The following TACC2 variants were observed in gnomAD, a reference collection of about 807,000 sequenced individuals.
TACC2 encodes the protein transforming acidic coiled-coil containing protein 2, also known as transforming acidic coiled-coil-containing protein 2.
Under a neutral mutation model 227.3 loss-of-function variants are expected in TACC2, and 137 were observed. The ratio of observed to expected loss-of-function variants is 0.60; its 90% CI spans 0.52 to 0.69. The LOEUF (loss-of-function observed/expected upper bound fraction) is 0.69, where lower values mean the gene tolerates loss of function less well. Among genes scored for constraint, TACC2 ranks in the 30% least tolerant of loss-of-function variants. The pLI is 0.00. For synonymous variants in TACC2, 1,523 were observed against 1,487.5 expected (o/e 1.02, Z -0.55); for missense variants, 3,470 against 3,694.4 (o/e 0.94, Z 1.57).
intron 3 of TACC2, among the ~76,000 whole-genome samples, chr10:122,054,687 C>G (rs79655384): frequency 1.3e-5 from 2 of 152,106 alleles, no homozygotes; most frequent in East Asian, 3.8e-4. Context: ...TCGAGATGAC[C>G]GGCTTTTCTC....
At chr10:122,193,582 T>C (rs1216870799) in intron 7 of TACC2, among the ~76,000 whole-genome samples, 1 of 152,254 alleles carries the variant, frequency 6.6e-6, no homozygotes, top group African/African-American at 2.4e-5. Flanking sequence ...CCCGATTTCA[T>C]GTCTTCACCA....
chr10:122,210,184 A>G lies in TACC2; in HGVS notation c.5972-213A>G, dbSNP rs1316808340. 4 of 608,464 alleles carry G rather than the reference A, an allele frequency of 6.6e-6. No individual in the cohort carries two copies. Among genetic ancestry groups the G allele is most frequent in the Admixed American group, 5.9e-5 (2 of 33,882 alleles). 37.7% of individuals were successfully genotyped at this position (608,464 alleles called of 1,614,324 possible). A position where few individuals can be genotyped will look rare whatever the true frequency, so the allele number is the denominator to read the frequency against. On this transcript the variant is annotated intron_variant, in intron 8 of 22. Transcript: ENST00000369005. This position sits in a 1 kb window ranked among gnomAD's most constrained non-coding sequence, Gnocchi z 4.6. ...GGTCCTCATGATCCTCATTGTACAG[A>G]TGAGGGAACTCTGGGCGAACCTGGC...
At chr10:122,009,217 T>C (rs1237710312) in intron 1 of TACC2, among the ~76,000 whole-genome samples, 3 of 152,266 alleles carry the variant, frequency 2.0e-5, no homozygotes, top group Non-Finnish European at 4.4e-5. Context: ...ATAGAAAGTC[T>C]ACCTTTTGTG....
At chr10:122,082,124 A>G (rs1242859548) in intron 3 of TACC2, among the ~76,000 whole-genome samples, 2 of 152,156 alleles carry the variant, frequency 1.3e-5, no homozygotes, top group South Asian at 2.1e-4. Flanking sequence ...CCTGAGCAAC[A>G]TGGCAAGACC....
intron 5 of TACC2, among the ~76,000 whole-genome samples, chr10:122,105,581 C>T (rs1275596721): frequency 6.6e-6 from 1 of 152,032 alleles, no homozygotes; most frequent in Non-Finnish European, 1.5e-5. Context: ...TCTTGCCTCT[C>T]CAGCATGTGC....
intron 2 of TACC2, among the ~76,000 whole-genome samples, chr10:122,033,494 C>G (rs1959195749): frequency 6.6e-6 from 1 of 152,152 alleles, no homozygotes; most frequent in Non-Finnish European, 1.5e-5. Context: ...CTTTGATTTC[C>G]TTTGTCTGCA....
Position 122,210,665 on chromosome 10 carries a change from G to A in TACC2, c.6240G>A (p.Lys2080=), listed in dbSNP as rs1191111839. 6.2e-7 allele frequency: 1 copy of A among 1,613,884 alleles called. No homozygotes were observed. The highest frequency in any genetic ancestry group is 8.5e-7 in the Non-Finnish European group (1 of 1,180,024). Residue 2080 remains lysine (K), a synonymous_variant, in exon 9 of 23, where the codon AAG becomes AAA. Transcript: ENST00000369005. This position sits in a 1 kb window ranked among gnomAD's most constrained non-coding sequence, Gnocchi z 4.6. ...RKSTDSVPIS[K]STLSRSLSLQ... ...CCACGGATTCCGTCCCCATCTCTAA[G>A]TCTACACTGTCCCGGTCGCTCAGCC...
intron 3 of TACC2, among the ~76,000 whole-genome samples, chr10:122,080,323 C>T (rs1336728555): frequency 6.6e-6 from 1 of 151,548 alleles, no homozygotes; most frequent in Non-Finnish European, 1.5e-5. Flanking sequence ...GCCTCAACCT[C>T]CAGCACTCAA....
chr10:122,187,554 G>T (rs2094248892), intron 7 of TACC2, among the ~76,000 whole-genome samples: 1 of 151,792 alleles, frequency 6.6e-6, no homozygotes, highest in Non-Finnish European at 1.5e-5. Flanking sequence ...GCAGTGGTGT[G>T]ACCTTGGCTC....
At chr10:122,030,129 A>G (rs1290443623) in intron 2 of TACC2, among the ~76,000 whole-genome samples, 2 of 150,256 alleles carry the variant, frequency 1.3e-5, no homozygotes, top group African/African-American at 4.8e-5. Context: ...TGAGGTTGAG[A>G]AACCCTAGAA....
rs2090515302 is a variant in TACC2, at chr10:122,141,344, G to A, written c.5700-2228G>A. ...AGCCAACAGGCGGTGGAAGGAGGGG[G>A]GCGCCTTTCTTAAATGAGCTGTTGA... On this transcript the variant is annotated intron_variant, in intron 6 of 22. Transcript: ENST00000369005. The surrounding 1 kb of genome is among the most constrained non-coding windows in gnomAD (Gnocchi z 4.3). Among the ~76,000 whole-genome samples the A allele has an allele frequency of 6.6e-6, 1 of 152,116 alleles. No individual in the cohort carries two copies. The highest frequency in any genetic ancestry group is 1.9e-4 in the East Asian group (1 of 5,192).
At chr10:121,991,357 T>C (rs1216815878) in intron 1 of TACC2, among the ~76,000 whole-genome samples, 3 of 152,244 alleles carry the variant, frequency 2.0e-5, no homozygotes, top group African/African-American at 7.2e-5. Flanking sequence ...GGGAAATGTT[T>C]TGTTTTCTTT....
chr10:122,224,677 A>C (rs771309930), intron 11 of TACC2, 49 bp from the exon 12 acceptor site: 2 of 1,572,706 alleles, frequency 1.3e-6, no homozygotes, highest in South Asian at 2.2e-5. Flanking sequence ...CTCTGGCACT[A>C]ACCTCACCTT....
At chr10:122,171,723 T>C (rs185954266) in intron 7 of TACC2, among the ~76,000 whole-genome samples, 120 of 152,364 alleles carry the variant, frequency 7.9e-4, no homozygotes, top group African/African-American at 2.6e-3. Context: ...TATCATTTGG[T>C]AAACTCAAAT....
At chr10:122,195,016 C>T (rs1283382479) in intron 7 of TACC2, 24 bp from the exon 8 acceptor site, 2 of 1,594,316 alleles carry the variant, frequency 1.3e-6, no homozygotes, top group Admixed American at 1.7e-5. Flanking sequence ...CCTGTCTAAC[C>T]TGTGCTTCTC....
chr10:122,163,476 G>C (rs941423726), intron 7 of TACC2: 2 of 759,538 alleles, frequency 2.6e-6, no homozygotes, highest in African/African-American at 3.8e-5. Context: ...GAGGGTCTTC[G>C]CCTCCCCACC....
chr10:122,231,516 A>G (rs987047455), intron 16 of TACC2, among the ~76,000 whole-genome samples: 8 of 151,672 alleles, frequency 5.3e-5, no homozygotes, highest in Non-Finnish European at 1.2e-4. Context: ...GATAAAGGAA[A>G]GCTGCTGTTG....
intron 5 of TACC2, among the ~76,000 whole-genome samples, chr10:122,132,050 A>AAG: frequency 9.4e-4 from 1 of 1,062 alleles, no homozygotes; most frequent in African/African-American, 1.3e-3. Flanking sequence ...GAAAGAAAGA[A>AAG]AGAAAGAAAG....
At chr10:122,107,644 G>C (rs10887070) in intron 5 of TACC2, among the ~76,000 whole-genome samples, 1 of 150,934 alleles carries the variant, frequency 6.6e-6, no homozygotes, top group Non-Finnish European at 1.5e-5. Flanking sequence ...TTTAAAATAT[G>C]CTTGCTAGAA....
Sources: gnomAD v4.1 joint callset for allele counts (sites outside exome capture counted in the v4.1 genomes callset) on GRCh38, gnomAD v4.1.1 for gene constraint, Gnocchi (gnomAD v3.1) non-coding constraint, MANE v1.5 for transcripts, NCBI Gene and HGNC (gene_info 2026-07-23, HGNC 2026-07-21) for gene names.